SPTA1: variants seen among roughly 807,000 people sequenced by gnomAD.
SPTA1 encodes the protein spectrin alpha chain, erythrocytic 1.
In SPTA1, 177 loss-of-function variants were observed where a neutral mutation model predicts 324.7. The observed-to-expected ratio is 0.55, with a 90% CI of 0.48 to 0.62. The LOEUF (loss-of-function observed/expected upper bound fraction) is 0.62. Ranked by LOEUF, SPTA1 falls within the 20% of genes least tolerant of loss-of-function variation. The probability of loss-of-function intolerance (pLI) is 0.00; values close to 1 mark genes in which losing one functional copy is unlikely to be tolerated. For missense variants in SPTA1, 3,162 were observed against 2,883.6 expected, an observed-to-expected ratio of 1.10 and a Z score of -2.21; for synonymous variants, 1,195 against 1,041.3, an observed-to-expected ratio of 1.15 and a Z score of -2.84.
intron 11 of SPTA1, 108 bp downstream of exon 11, chr1:158,671,951 C>A (rs1403885182): frequency 1.4e-6 from 2 of 1,421,668 alleles, no homozygotes; most frequent in African/African-American, 1.4e-5. Flanking sequence ...GTTCCCAAGA[C>A]AAGCTCTGAC....
intron 35 of SPTA1, among the ~76,000 whole-genome samples, chr1:158,638,810 C>G (rs1651305290): frequency 6.7e-6 from 1 of 149,470 alleles, no homozygotes; most frequent in Non-Finnish European, 1.5e-5. Flanking sequence ...ACAAGACTGT[C>G]TTATACTGAC....
chr1:158,685,050 A>G (rs961930637), intron 2 of SPTA1, 58 bp downstream of exon 2: 2 of 1,607,846 alleles, frequency 1.2e-6, no homozygotes, highest in African/African-American at 1.3e-5. Flanking sequence ...AGAAAAACCT[A>G]TTTCCTTCTC....
intron 20 of SPTA1, 136 bp downstream of exon 20, chr1:158,656,428 T>C (rs191428827): frequency 1.5e-5 from 12 of 807,192 alleles, no homozygotes; most frequent in Non-Finnish European, 2.3e-5. Context: ...AGTTCCTGCA[T>C]ACAAGGGTCA....
intron 1 of SPTA1, 139 bp from the exon 2 acceptor site, chr1:158,685,486 G>A: frequency 8.2e-7 from 1 of 1,220,750 alleles, no homozygotes; most frequent in Non-Finnish European, 1.2e-6. Flanking sequence ...TGTCAGAAGA[G>A]CTGTAGTATA....
At position 158,620,285 on chromosome 1, in the gene SPTA1, C is replaced by T. The variant is rs1291056519; in HGVS notation, c.6302G>A (p.Cys2101Tyr). The T allele has an allele frequency of 1.2e-6, 2 of 1,614,092 alleles. No homozygotes were observed. The highest frequency in any genetic ancestry group is 1.1e-5 in the South Asian group (1 of 91,086). The change falls in exon 44 of 52, where the codon TGT (cysteine) becomes TAT (tyrosine). Residue 2101 changes from cysteine (C) to tyrosine (Y), a missense_variant. Coordinates refer to ENST00000643759, the MANE Select transcript of SPTA1 (RefSeq NM_003126.4). ...SLARAQADFK[C>Y]LLELDQQIKA... Reference sequence around the variant, plus strand: ...AATCTGCTGGTCTAGCTCCAGCAAACATTTAAAGTCTGCTTGAGCCCTAGC... The same window carrying T: ...AATCTGCTGGTCTAGCTCCAGCAAATATTTAAAGTCTGCTTGAGCCCTAGC...
At position 158,642,497 on chromosome 1, in the gene SPTA1, G is replaced by T. The variant is rs777656764; in HGVS notation, c.4651C>A (p.Arg1551=). 10 of 1,613,448 alleles carry T rather than the reference G, an allele frequency of 6.2e-6. No homozygotes were observed. In the Admixed American group the frequency reaches 1.5e-4, roughly 24 times the overall value. ...ATGACGCCATGCACCTGCTCAGATC[G>T]GCCATCGACTTCATGTGCAAAGGTC... The part of the protein sequence containing the change: ...HQTFAHEVDG[R]SEQVHGVINL... Residue 1551 remains arginine (R), a synonymous_variant, in exon 33 of 52, where the codon CGA becomes AGA. Transcript: ENST00000643759.
At chr1:158,678,133 T>G (rs1176204070) in intron 6 of SPTA1, among the ~76,000 whole-genome samples, 1 of 152,106 alleles carries the variant, frequency 6.6e-6, no homozygotes, top group East Asian at 1.9e-4. Flanking sequence ...ATTAACCTGC[T>G]TCCCTTCCGT....
At chr1:158,633,440 C>T (rs1650823294) in intron 39 of SPTA1, among the ~76,000 whole-genome samples, 1 of 151,884 alleles carries the variant, frequency 6.6e-6, no homozygotes, top group Admixed American at 6.6e-5. Context: ...GTGGGTGGAT[C>T]ACGAGGTCAG....
rs773982782 is a variant in SPTA1 at position 158,674,627 on chromosome 1, G to C, written c.1161C>G (p.Asn387Lys). The C allele has an allele frequency of 1.2e-6, 2 of 1,613,982 alleles. No homozygotes were observed. Among genetic ancestry groups the C allele is most frequent in the South Asian group, 2.2e-5 (2 of 91,074 alleles). The stretch of plus-strand genomic sequence containing the variant: ...CAGCATTGATCGCAGCAGTCTTCTC[G>C]TTCATCCAGCCTGAGAGTTCATCAA... ...SDFDELSGWM[N>K]EKTAAINADE... Residue 387 changes from asparagine (N) to lysine (K), a missense_variant, in exon 9 of 52, where the codon AAC (asparagine) becomes AAG (lysine). Asn to Lys is a moderately conservative substitution (Grantham distance 94). Coordinates refer to ENST00000643759, the MANE Select transcript of SPTA1 (RefSeq NM_003126.4).
chr1:158,647,092 G>A (rs1281589771), intron 27 of SPTA1, among the ~76,000 whole-genome samples: 2 of 151,606 alleles, frequency 1.3e-5, no homozygotes, highest in Non-Finnish European at 2.9e-5. Flanking sequence ...TACATGAATT[G>A]TTTTCTCTTC....
At position 158,617,629 on chromosome 1, in the gene SPTA1, A is replaced by G. The variant is rs187035067; in HGVS notation, c.6549-41T>C. On this transcript the variant is annotated intron_variant, in intron 46 of 51. Coordinates refer to ENST00000643759, the MANE Select transcript of SPTA1 (RefSeq NM_003126.4). ...AGGAAATCATTATGCATCACATCAC[A>G]GGTCAATATTTCATACATGCATACC... 5 of 1,547,940 alleles carry G rather than the reference A, an allele frequency of 3.2e-6. No homozygotes were observed. The African/African-American group carries it at 6.8e-5, about 21-fold the overall frequency.
Position 158,672,152 on chromosome 1 carries a change from C to T in SPTA1, c.1395G>A (p.Trp465Ter), listed in dbSNP as rs775455995. 6.2e-7 allele frequency: 1 copy of T among 1,613,906 alleles called. No individual in the cohort carries two copies. The highest frequency in any genetic ancestry group is 8.5e-7 in the Non-Finnish European group (1 of 1,179,964). Residue 465 changes from tryptophan to a stop codon, truncating the protein, a stop_gained, in exon 11 of 52, where the codon TGG (tryptophan) becomes TGA (stop). Transcript: ENST00000643759. LOFTEE classifies it high-confidence loss of function. ...GCTCATACTGACGATGACGCTCGTC[C>T]CACAGTTCCAGCAGGGCAGTCCAGT... ...DNNWTALLEL[W>*]DERHRQYEQC...
intron 37 of SPTA1, among the ~76,000 whole-genome samples, 175 bp from the exon 38 acceptor site, chr1:158,636,209 C>T (rs751960810): frequency 3.3e-5 from 5 of 152,162 alleles, no homozygotes; most frequent in Admixed American, 6.5e-5. Context: ...AGAAGATTTG[C>T]TATGCTAAAC....
chr1:158,668,024 T>G lies in SPTA1; in HGVS notation c.1872A>C (p.Gln624His). 6.2e-7 allele frequency: 1 copy of G among 1,613,190 alleles called. No homozygotes were observed. The highest frequency in any genetic ancestry group is 8.5e-7 in the Non-Finnish European group (1 of 1,179,914). The change falls in exon 15 of 52, where the codon CAA becomes CAC. Residue 624 changes from glutamine (Q) to histidine (H), a missense_variant. By Grantham distance (24) the Gln-to-His change is conservative. Coordinates refer to ENST00000643759, the MANE Select transcript of SPTA1 (RefSeq NM_003126.4). Reference sequence around the variant, plus strand: ...TAACTGCCAACTCCTTTTCAAAGACTTGCTGCTTTTGAACCCTGCTCTTCA... The same window carrying G: ...TAACTGCCAACTCCTTTTCAAAGACGTGCTGCTTTTGAACCCTGCTCTTCA... The part of the protein sequence containing the change: ...QNLKSRVQKQ[Q>H]VFEKELAVNK...
intron 20 of SPTA1, among the ~76,000 whole-genome samples, chr1:158,655,405 A>G (rs1652760132): frequency 6.6e-6 from 1 of 151,838 alleles, no homozygotes; most frequent in Admixed American, 6.6e-5. Context: ...ATCAAGCAAA[A>G]CATAACCCCT....
chr1:158,669,414 A>G lies in SPTA1; in HGVS notation c.1827T>C (p.Asp609=). The G allele has an allele frequency of 6.2e-7, 1 of 1,614,116 alleles. No homozygotes were observed. The highest frequency in any genetic ancestry group is 1.3e-5 in the African/African-American group (1 of 75,026). ...TCCTGAAAACTCTGCCTACCTTGTAATCTTCATCATCTGCCAACTTTTTCT... is the reference window on the plus strand; with the variant it reads ...TCCTGAAAACTCTGCCTACCTTGTAGTCTTCATCATCTGCCAACTTTTTCT... ...NKKKKLADDE[D]YKDIQNLKSR... is the part of the protein sequence containing the mutation. The change falls in exon 14 of 52, where the codon GAT becomes GAC. Residue 609 remains aspartate (D), a synonymous_variant. Coordinates refer to ENST00000643759, the MANE Select transcript of SPTA1 (RefSeq NM_003126.4).
At chr1:158,629,130 G>A (rs1184834805) in intron 39 of SPTA1, among the ~76,000 whole-genome samples, 1 of 134,074 alleles carries the variant, frequency 7.5e-6, no homozygotes, top group East Asian at 2.0e-4. Context: ...TAGATAGATA[G>A]ATAGATGATA....
chr1:158,666,501 G>A lies in SPTA1; in HGVS notation c.2039-4C>T. 1 of 1,606,470 alleles carries A rather than the reference G, an allele frequency of 6.2e-7. No homozygotes were observed. On this transcript the variant is annotated splice_polypyrimidine_tract_variant and splice_region_variant and intron_variant, in intron 15 of 51. Coordinates refer to ENST00000643759, the MANE Select transcript of SPTA1 (RefSeq NM_003126.4). ...TTGGCCTCATGCAACTGGGTCCCTG[G>A]GAGAAGACATAAGGTAGAAGACATT...
At chr1:158,643,495 C>T in intron 30 of SPTA1, 70 bp from the exon 31 acceptor site, 3 of 1,419,648 alleles carry the variant, frequency 2.1e-6, no homozygotes, top group Non-Finnish European at 3.0e-6. Context: ...CAGACTCCCT[C>T]CTAGAAAAGA....
Sources: allele counts gnomAD v4.1 joint callset (sites outside exome capture counted in the v4.1 genomes callset), GRCh38; gene constraint gnomAD v4.1.1; transcripts MANE v1.5; gene names NCBI Gene and HGNC (gene_info 2026-07-23, HGNC 2026-07-21).